Variants in CCDC170 observed in about 807,000 individuals in gnomAD.
The protein encoded by CCDC170 is coiled-coil domain-containing protein 170.
A neutral mutation model predicts 72.6 loss-of-function variants in CCDC170; 69 were observed. That is an observed-to-expected ratio of 0.95 (90% CI 0.78 to 1.16). The LOEUF is 1.16. Ranked by LOEUF, CCDC170 falls within the 50% of genes most tolerant of loss-of-function variation. The pLI is 0.00. For synonymous variants in CCDC170, 300 were observed against 303.9 expected (o/e 0.99, Z 0.13); for missense variants, 852 against 832.5 (o/e 1.02, Z -0.29).
chr6:151,515,311 C>CTTAT (rs1782218545), intron 1 of CCDC170, among the ~76,000 whole-genome samples: 1 of 152,214 alleles, frequency 6.6e-6, no homozygotes. Context: ...GAGACGGAGT[C>CTTAT]TCACTCTGTC....
At chr6:151,512,370 G>C (rs928201098) in intron 1 of CCDC170, among the ~76,000 whole-genome samples, 1 of 152,020 alleles carries the variant, frequency 6.6e-6, no homozygotes, top group Non-Finnish European at 1.5e-5. Flanking sequence ...ATGTTGGCCA[G>C]CCTGGTCTCG....
intron 7 of CCDC170, among the ~76,000 whole-genome samples, chr6:151,589,753 G>A (rs1361174710): frequency 6.6e-6 from 1 of 152,070 alleles, no homozygotes; most frequent in Admixed American, 6.5e-5. Context: ...CTTAAAACTG[G>A]TCAGTGGTTC....
rs1583031742 is a variant in CCDC170 at position 151,571,864 on chromosome 6, T to C, written c.775-1310T>C. Among the ~76,000 whole-genome samples, 4 of 152,296 alleles carry C rather than the reference T, an allele frequency of 2.6e-5. No homozygotes were observed. The South Asian group carries it at 8.3e-4, about 32-fold the overall frequency. On this transcript the variant is annotated intron_variant, in intron 5 of 10. Transcript: ENST00000239374. ...TAATTTCACATGTTATGTTCTTATG[T>C]TGTTATTTTGAGACAAGGTCATGCT... is the stretch of plus-strand genomic sequence containing the variant.
chr6:151,525,075 G>A (rs1279893396), intron 1 of CCDC170, among the ~76,000 whole-genome samples: 12 of 151,806 alleles, frequency 7.9e-5, no homozygotes, highest in Non-Finnish European at 1.6e-4. Flanking sequence ...TGGGACTATA[G>A]GTGCCCGCCA....
At chr6:151,514,653 A>G (rs1031396487) in intron 1 of CCDC170, among the ~76,000 whole-genome samples, 2 of 152,096 alleles carry the variant, frequency 1.3e-5, no homozygotes, top group Non-Finnish European at 2.9e-5. Context: ...GCTGATAGAG[A>G]AGAGACTCAC....
chr6:151,591,463 G>GA (rs869213916), intron 7 of CCDC170, among the ~76,000 whole-genome samples: 2 of 53,740 alleles, frequency 3.7e-5, no homozygotes, highest in Non-Finnish European at 5.8e-5. Context: ...CGCTGTTTTA[G>GA]GGGGGAGGTG....
chr6:151,551,059 T>C (rs1782869673), intron 5 of CCDC170, among the ~76,000 whole-genome samples: 1 of 152,158 alleles, frequency 6.6e-6, no homozygotes, highest in African/African-American at 2.4e-5. Context: ...TTCACCAACA[T>C]TGTCTTTTAA....
At chr6:151,593,322 T>C in intron 8 of CCDC170, 42 bp downstream of exon 8, 6 of 1,586,050 alleles carry the variant, frequency 3.8e-6, no homozygotes, top group Non-Finnish European at 5.2e-6. Context: ...AGAAGAAATT[T>C]CTGAAAAACC....
chr6:151,558,166 A>G (rs1419800292), intron 5 of CCDC170, among the ~76,000 whole-genome samples: 2 of 141,374 alleles, frequency 1.4e-5, no homozygotes, highest in South Asian at 4.4e-4. Flanking sequence ...TTCATGTCCT[A>G]TTCATGTCTA....
rs1776623586 is a variant in CCDC170 at position 151,596,392 on chromosome 6, C to T, written c.1525C>T (p.Gln509Ter). 9 of 1,614,068 alleles carry T rather than the reference C, an allele frequency of 5.6e-6. No individual in the cohort carries two copies. Among genetic ancestry groups the T allele is most frequent in the Non-Finnish European group, 5.9e-6 (7 of 1,180,010 alleles). The change falls in exon 9 of 11, where the codon CAG becomes TAG. Residue 509 changes from glutamine (Q) to a stop codon, truncating the protein, a stop_gained. Transcript: ENST00000239374. LOFTEE classifies it high-confidence loss of function. Reference sequence around the variant, plus strand: ...AGAATTACACATGAGCCTCCTCCGGCAGAAAATAGCCCAGCTGGAGGAGGA... The same window carrying T: ...AGAATTACACATGAGCCTCCTCCGGTAGAAAATAGCCCAGCTGGAGGAGGA... ...SKELHMSLLR[Q>*]KIAQLEEEKQ...
At chr6:151,575,450 C>A (rs960136716) in intron 6 of CCDC170, among the ~76,000 whole-genome samples, 13 of 148,530 alleles carry the variant, frequency 8.8e-5, no homozygotes, top group African/African-American at 3.2e-4. Context: ...AAAAAAAATT[C>A]TCTGAAATTC....
rs1355535475 is a variant in CCDC170 at position 151,548,225 on chromosome 6, G to C, written c.589-79G>C. On this transcript the variant is annotated intron_variant, in intron 4 of 10. Transcript: ENST00000239374. The stretch of plus-strand genomic sequence containing the variant: ...CTTACATTTTTCATATGATAATGCA[G>C]TCTATAGATGTGACTTGCTTAGAGA... 4.0e-6 allele frequency: 5 copies of C among 1,240,460 alleles called. No individual in the cohort carries two copies. In the East Asian group the frequency reaches 1.3e-4, roughly 31 times the overall value. The allele number at this position is 1,240,460 out of a possible 1,614,324, so 76.8% of individuals were successfully genotyped here. A position where few individuals can be genotyped will look rare whatever the true frequency, so the allele number is the denominator to read the frequency against.
Position 151,618,404 on chromosome 6 carries a change from G to T in CCDC170, c.*257G>T. The T allele has an allele frequency of 2.1e-6, 1 of 466,998 alleles. No homozygotes were observed. The highest frequency in any genetic ancestry group is 3.8e-6 in the Non-Finnish European group (1 of 262,016). 28.9% of individuals were successfully genotyped at this position (466,998 alleles called of 1,614,324 possible). A position where few individuals can be genotyped will look rare whatever the true frequency, so the allele number is the denominator to read the frequency against. On this transcript the variant is annotated 3_prime_UTR_variant, in exon 11 of 11. Coordinates refer to ENST00000239374, the MANE Select transcript of CCDC170 (RefSeq NM_025059.4). Reference sequence around the variant, plus strand: ...CCACCAGATTGCATGAGTTAGATTGGGAAATGGGAGTGGGAGATAATATTG... The same window carrying T: ...CCACCAGATTGCATGAGTTAGATTGTGAAATGGGAGTGGGAGATAATATTG...
intron 1 of CCDC170, among the ~76,000 whole-genome samples, chr6:151,506,006 C>T (rs751954527): frequency 2.0e-5 from 3 of 152,124 alleles, no homozygotes; most frequent in Non-Finnish European, 2.9e-5. Flanking sequence ...GAGGTTGGGG[C>T]AGGAGGGTAC....
In CCDC170 at chr6:151,572,658, T is replaced by TTTTTTGTTTTG. The variant is rs1554223889; in HGVS notation, c.775-511_775-510insGTTTTGTTTTT. 1.5e-4 allele frequency among the ~76,000 whole-genome samples: 21 copies of TTTTTTGTTTTG among 137,948 alleles called. 1 individual carries two copies. Among genetic ancestry groups the TTTTTTGTTTTG allele is most frequent in the Non-Finnish European group, 2.6e-4 (17 of 64,932 alleles). The allele number at this position is 137,948 out of a possible 152,430, so 90.5% of individuals were successfully genotyped here. ...TATATCCCTTCTCTGTGTTTTTTTT[T>TTTTTTGTTTTG]TTTTTTTTTTTGATGGAGTCTTGTT... On this transcript the variant is annotated intron_variant, in intron 5 of 10. Transcript: ENST00000239374.
intron 1 of CCDC170, among the ~76,000 whole-genome samples, chr6:151,498,629 C>G (rs1046462778): frequency 2.6e-5 from 4 of 152,084 alleles, no homozygotes; most frequent in Non-Finnish European, 4.4e-5. Flanking sequence ...TTTGACTATT[C>G]TAGGCATGCT....
At chr6:151,553,062 CA>C (rs1442481227) in intron 5 of CCDC170, among the ~76,000 whole-genome samples, 1 of 152,154 alleles carries the variant, frequency 6.6e-6, no homozygotes, top group Non-Finnish European at 1.5e-5. Flanking sequence ...GCTGGGATTA[CA>C]GGCATGAGCC....
chr6:151,586,637 C>T (rs1776454709), intron 7 of CCDC170, among the ~76,000 whole-genome samples: 1 of 150,846 alleles, frequency 6.6e-6, no homozygotes, highest in African/African-American at 2.4e-5. Context: ...TCCTCCATGG[C>T]TGGAACATGT....
intron 1 of CCDC170, among the ~76,000 whole-genome samples, chr6:151,510,798 C>A (rs1297649766): frequency 6.6e-6 from 1 of 151,836 alleles, no homozygotes; most frequent in East Asian, 1.9e-4. Context: ...TGCAGTGGCA[C>A]AATCTCAGCT....
Sources: allele counts gnomAD v4.1 joint callset (sites outside exome capture counted in the v4.1 genomes callset), GRCh38; gene constraint gnomAD v4.1.1; transcripts MANE v1.5; gene names NCBI Gene and HGNC (gene_info 2026-07-23, HGNC 2026-07-21).